The following MARCHF1 variants were observed in gnomAD, a reference collection of about 807,000 sequenced individuals.
The protein encoded by MARCHF1 is E3 ubiquitin-protein ligase MARCHF1.
In MARCHF1, 40 loss-of-function variants were observed where a neutral mutation model predicts 54.2. The observed-to-expected ratio is 0.74, with a 90% confidence interval of 0.57 to 0.96. MARCHF1 has a LOEUF of 0.96. Among genes scored for constraint, MARCHF1 ranks in the 40% least tolerant of loss-of-function variants. MARCHF1 has a pLI of 0.00. For synonymous variants in MARCHF1, 236 were observed against 236.3 expected (o/e 1.00, Z 0.01); for missense variants, 586 against 656.5 (o/e 0.89, Z 1.17).
chr4:164,025,577 T>C (rs991449054), intron 2 of MARCHF1, among the ~76,000 whole-genome samples: 5 of 152,130 alleles, frequency 3.3e-5, no homozygotes, highest in South Asian at 2.1e-4. Context: ...GGGACGCAGA[T>C]TAAGCATGTT....
At chr4:164,255,046 T>C (rs1733239548) in intron 1 of MARCHF1, among the ~76,000 whole-genome samples, 1 of 152,144 alleles carries the variant, frequency 6.6e-6, no homozygotes, top group Non-Finnish European at 1.5e-5. Flanking sequence ...CGCCCAGCCA[T>C]GAATGTTATA....
At chr4:163,889,202 C>T (rs1750602094) in intron 3 of MARCHF1, among the ~76,000 whole-genome samples, 1 of 152,138 alleles carries the variant, frequency 6.6e-6, no homozygotes, top group African/African-American at 2.4e-5. Flanking sequence ...TTTACAGAGT[C>T]CTCACTATGC....
At chr4:163,947,346 C>T (rs1002187559) in intron 3 of MARCHF1, among the ~76,000 whole-genome samples, 2 of 152,118 alleles carry the variant, frequency 1.3e-5, no homozygotes, top group Non-Finnish European at 2.9e-5. Context: ...AAACTGTTGG[C>T]CATGTCCTAA....
chr4:163,917,601 C>T (rs914789414), intron 3 of MARCHF1, among the ~76,000 whole-genome samples: 2 of 152,076 alleles, frequency 1.3e-5, no homozygotes, highest in African/African-American at 4.8e-5. Context: ...TTTCCTGATA[C>T]TAAATTTAAT....
intron 1 of MARCHF1, among the ~76,000 whole-genome samples, chr4:164,290,067 T>C (rs940133895): frequency 6.6e-6 from 1 of 151,696 alleles, no homozygotes; most frequent in African/African-American, 2.4e-5. Context: ...TCTTTTCCTG[T>C]GCCCTGACGC....
rs114014223 is a variant in MARCHF1, at chr4:163,617,411, G to A, written c.163-4018C>T. 2.8e-3 allele frequency among the ~76,000 whole-genome samples: 429 copies of A among 152,198 alleles called. 1 individual carries two copies. Among genetic ancestry groups the A allele is most frequent in the Middle Eastern group, 6.8e-3 (2 of 294 alleles). On this transcript the variant is annotated intron_variant, in intron 5 of 9. Transcript: ENST00000514618. ...TGTTCCCCACAGAAAAATAATAAAT[G>A]TTTGAGGTGATGGGTTGGTAATTAC...
chr4:163,945,569 G>A (rs537946713), intron 3 of MARCHF1, among the ~76,000 whole-genome samples: 2 of 152,094 alleles, frequency 1.3e-5, no homozygotes, highest in African/African-American at 4.8e-5. Context: ...AATGCAACAA[G>A]GACAGATCTT....
intron 3 of MARCHF1, among the ~76,000 whole-genome samples, chr4:163,901,884 T>C (rs1006327004): frequency 2.0e-5 from 3 of 152,218 alleles, no homozygotes; most frequent in African/African-American, 7.2e-5. Flanking sequence ...TTTGTCTTCC[T>C]GTCTAAAAGC....
At chr4:163,986,426 G>A (rs1337869271) in intron 3 of MARCHF1, among the ~76,000 whole-genome samples, 3 of 151,174 alleles carry the variant, frequency 2.0e-5, no homozygotes, top group South Asian at 2.1e-4. Context: ...CACCACACCC[G>A]GCTAATTTTC....
chr4:164,378,604 A>G (rs1731268425), intron 1 of MARCHF1, among the ~76,000 whole-genome samples: 1 of 152,230 alleles, frequency 6.6e-6, no homozygotes, highest in Admixed American at 6.5e-5. Flanking sequence ...GAGTCAGCTC[A>G]GTCACTGGGT....
At chr4:164,061,544 G>A (rs1171800020) in intron 2 of MARCHF1, among the ~76,000 whole-genome samples, 1 of 23,254 alleles carries the variant, frequency 4.3e-5, no homozygotes, top group Non-Finnish European at 1.5e-4. Flanking sequence ...GGTGGGGGGA[G>A]GGGGGAGGGA....
rs183467848 is a variant in MARCHF1 at position 163,936,720 on chromosome 4, G to T, written c.-39+51781C>A. On this transcript the variant is annotated intron_variant, in intron 3 of 9. Transcript: ENST00000514618. ...TACCAGCTTGAGATGTAAACCAACT[G>T]CAGTTTGATTGTGTGAAACACCATC... 9.9e-5 allele frequency among the ~76,000 whole-genome samples: 15 copies of T among 152,284 alleles called. 1 individual carries two copies. Among genetic ancestry groups the T allele is most frequent in the African/African-American group, 2.6e-4 (11 of 41,562 alleles).
chr4:163,751,814 G>GTA (rs1746530533), intron 4 of MARCHF1, among the ~76,000 whole-genome samples: 1 of 135,182 alleles, frequency 7.4e-6, no homozygotes, highest in Non-Finnish European at 1.7e-5. Context: ...ACGTGTGTGT[G>GTA]TGTGTGTGTG....
chr4:164,106,994 T>C (rs1755720226), intron 2 of MARCHF1, among the ~76,000 whole-genome samples: 3 of 152,166 alleles, frequency 2.0e-5, no homozygotes, highest in Non-Finnish European at 4.4e-5. Flanking sequence ...GTATTGAGGA[T>C]ACAGGCTATT....
At chr4:164,106,290 C>A (rs1020569260) in intron 2 of MARCHF1, among the ~76,000 whole-genome samples, 4 of 103,102 alleles carry the variant, frequency 3.9e-5, no homozygotes, top group Non-Finnish European at 5.8e-5. Flanking sequence ...GACTATAAAT[C>A]ATGCTGCTAT....
intron 1 of MARCHF1, among the ~76,000 whole-genome samples, chr4:164,313,392 C>T (rs1209994762): frequency 4.0e-5 from 6 of 149,282 alleles, no homozygotes; most frequent in African/African-American, 2.5e-5. Flanking sequence ...TGATCCTCTT[C>T]GGATCATCTG....
intron 5 of MARCHF1, among the ~76,000 whole-genome samples, chr4:163,631,693 G>C (rs2036906): frequency 0.42 from 63,271 of 151,964 alleles, 13,686 homozygotes; most frequent in East Asian, 0.6. Flanking sequence ...GTTTAATTAA[G>C]AATATATTTA....
chr4:164,050,275 C>CAAGAAAAAAAAA (rs1754334605), intron 2 of MARCHF1, among the ~76,000 whole-genome samples: 1 of 40,164 alleles, frequency 2.5e-5, no homozygotes, highest in Non-Finnish European at 4.2e-5. Context: ...ACACTGTCTC[C>CAAGAAAAAAAAA]AAAAAAAAAA....
intron 1 of MARCHF1, among the ~76,000 whole-genome samples, chr4:164,196,411 T>G (rs1731260116): frequency 6.7e-6 from 1 of 149,280 alleles, no homozygotes; most frequent in Non-Finnish European, 1.5e-5. Flanking sequence ...ATAAATAAAA[T>G]CAAGTATAAA....
Sources: gnomAD v4.1 joint callset for allele counts (sites outside exome capture counted in the v4.1 genomes callset) on GRCh38, gnomAD v4.1.1 for gene constraint, MANE v1.5 for transcripts, NCBI Gene and HGNC (gene_info 2026-07-23, HGNC 2026-07-21) for gene names.